The following SFI1 variants were observed in gnomAD, a reference collection of about 807,000 sequenced individuals.
SFI1 encodes the protein SFI1 centrin binding protein, also known as protein SFI1 homolog.
A neutral mutation model predicts 207.5 loss-of-function variants in SFI1; 195 were observed. The ratio of observed to expected loss-of-function variants is 0.94; its 90% CI spans 0.84 to 1.06. The LOEUF is 1.06. Ranked by LOEUF, SFI1 falls within the 50% of genes least tolerant of loss-of-function variation. SFI1 has a pLI of 0.00. For synonymous variants in SFI1, 630 were observed against 598.9 expected (o/e 1.05, Z -0.76); for missense variants, 1,634 against 1,588.0 (o/e 1.03, Z -0.49).
intron 8 of SFI1, among the ~76,000 whole-genome samples, chr22:31,572,589 C>T (rs939914556): frequency 3.3e-5 from 5 of 152,050 alleles, no homozygotes; most frequent in South Asian, 4.1e-4. Context: ...GCAACCTCCA[C>T]GTCCTGGGTT....
intron 2 of SFI1, among the ~76,000 whole-genome samples, chr22:31,528,266 A>C (rs2058126287): frequency 6.6e-6 from 1 of 152,034 alleles, no homozygotes; most frequent in Non-Finnish European, 1.5e-5. Flanking sequence ...AAAAAAAAAA[A>C]TTATCAGGAC....
chr22:31,586,060 G>A (rs777315653), intron 14 of SFI1, among the ~76,000 whole-genome samples: 2 of 151,978 alleles, frequency 1.3e-5, no homozygotes, highest in Non-Finnish European at 2.9e-5. Context: ...AAACTCCTTC[G>A]GGAGCTGGTC....
At chr22:31,509,314 G>T (rs2055143077) in intron 2 of SFI1, among the ~76,000 whole-genome samples, 1 of 152,198 alleles carries the variant, frequency 6.6e-6, no homozygotes, top group African/African-American at 2.4e-5. Flanking sequence ...GAAGCCAGCA[G>T]TGGCTCAGTC....
At chr22:31,609,764 G>T (rs118014959) in intron 22 of SFI1, among the ~76,000 whole-genome samples, 5 of 152,256 alleles carry the variant, frequency 3.3e-5, no homozygotes. Context: ...TGTGTTTCTA[G>T]TTTACGAAGA....
At chr22:31,545,197 T>C (rs976018712) in intron 4 of SFI1, among the ~76,000 whole-genome samples, 12 of 151,898 alleles carry the variant, frequency 7.9e-5, no homozygotes, top group Non-Finnish European at 1.5e-4. Context: ...AGAAACCCCA[T>C]CTCTACTAAA....
At chr22:31,511,316 A>G (rs1021999437) in intron 2 of SFI1, among the ~76,000 whole-genome samples, 4 of 152,102 alleles carry the variant, frequency 2.6e-5, no homozygotes, top group African/African-American at 9.7e-5. Flanking sequence ...TCATAGAAGG[A>G]GTCCTCGTAA....
At chr22:31,547,905 C>G (rs745396694) in intron 5 of SFI1, among the ~76,000 whole-genome samples, 18 of 150,316 alleles carry the variant, frequency 1.2e-4, no homozygotes, top group Non-Finnish European at 3.0e-5. Flanking sequence ...CCACCACACC[C>G]GGCCTTGTTT....
At chr22:31,587,477 G>GTTTTT (rs770901062) in intron 14 of SFI1, 2 of 66,100 alleles carry the variant, frequency 3.0e-5, no homozygotes, top group Non-Finnish European at 6.6e-5. Flanking sequence ...TAATGTTTGT[G>GTTTTT]TTTTGTTTTT....
chr22:31,503,698 T>C (rs1027270112), intron 1 of SFI1, among the ~76,000 whole-genome samples: 5 of 150,968 alleles, frequency 3.3e-5, no homozygotes, highest in African/African-American at 1.2e-4. Context: ...AGTGATTCTC[T>C]TGTTTCAGCC....
intron 21 of SFI1, 61 bp from the exon 22 acceptor site, chr22:31,607,876 G>A: frequency 6.7e-7 from 1 of 1,488,974 alleles, no homozygotes; most frequent in South Asian, 1.1e-5. Context: ...TCACAGACCT[G>A]GGGTGGACCC....
intron 2 of SFI1, among the ~76,000 whole-genome samples, 185 bp from the exon 3 acceptor site, chr22:31,528,505 C>T (rs575627306): frequency 6.6e-6 from 1 of 152,338 alleles, no homozygotes; most frequent in South Asian, 2.1e-4. Context: ...GCTGACCCAG[C>T]AGTACCCACC....
chr22:31,581,770 A>G (rs569141939), intron 12 of SFI1, among the ~76,000 whole-genome samples: 22 of 152,116 alleles, frequency 1.4e-4, no homozygotes, highest in African/African-American at 5.1e-4. Flanking sequence ...GAAAAATAGG[A>G]AAAAAAAGTA....
chr22:31,541,787 C>T (rs897883552), intron 4 of SFI1, among the ~76,000 whole-genome samples: 9 of 144,192 alleles, frequency 6.2e-5, no homozygotes, highest in African/African-American at 1.8e-4. Context: ...ATCTGTTCAA[C>T]AGTCTTTCAA....
chr22:31,611,114 C>T (rs973094061), intron 22 of SFI1, 29 bp from the exon 23 acceptor site: 25 of 1,614,150 alleles, frequency 1.5e-5, no homozygotes, highest in Non-Finnish European at 2.0e-5. Flanking sequence ...TCCCACAAAA[C>T]AGCAAACTCT....
At position 31,611,178 on chromosome 22, in the gene SFI1, T is replaced by G; in HGVS notation, c.2290T>G (p.Cys764Gly). 1 of 1,614,152 alleles carries G rather than the reference T, an allele frequency of 6.2e-7. No individual in the cohort carries two copies. The highest frequency in any genetic ancestry group is 1.1e-5 in the South Asian group (1 of 91,078). ...LRTWFQRWWD[C>G]SRRSAQQRLQ... ...GACCTGGTTTCAGCGCTGGTGGGAC[T>G]GCAGCCGGAGGTCAGCCCAGCAGAG... Residue 764 changes from cysteine to glycine, a missense_variant, in exon 23 of 33, where the codon TGC (cysteine) becomes GGC (glycine). Physicochemically the swap from Cys to Gly is radical, Grantham distance 159. Transcript: ENST00000400288.
intron 1 of SFI1, among the ~76,000 whole-genome samples, chr22:31,502,649 C>T (rs188745293): frequency 2.2e-4 from 34 of 152,246 alleles, no homozygotes; most frequent in Non-Finnish European, 4.7e-4. Flanking sequence ...CGTGGGATTA[C>T]AGGCGTGAGC....
chr22:31,574,578 G>A (rs1016195724), intron 9 of SFI1, among the ~76,000 whole-genome samples: 1 of 152,186 alleles, frequency 6.6e-6, no homozygotes, highest in Non-Finnish European at 1.5e-5. Context: ...AGAAGCAAAA[G>A]TAAAACAGTC....
At chr22:31,587,272 C>T (rs2065141228) in intron 14 of SFI1, 5 of 325,408 alleles carry the variant, frequency 1.5e-5, no homozygotes, top group South Asian at 1.0e-4. Flanking sequence ...TACAGGAGGA[C>T]TGTGTAGGTT....
intron 3 of SFI1, chr22:31,529,150 T>G: frequency 3.1e-6 from 1 of 324,150 alleles, no homozygotes; most frequent in East Asian, 5.1e-5. Context: ...TACTCTTTTT[T>G]GCTATTCTTT....
Sources: gnomAD v4.1 joint callset for allele counts (sites outside exome capture counted in the v4.1 genomes callset) on GRCh38, gnomAD v4.1.1 for gene constraint, MANE v1.5 for transcripts, NCBI Gene and HGNC (gene_info 2026-07-23, HGNC 2026-07-21) for gene names.